The following KCNH7 variants were observed in gnomAD, a reference collection of about 807,000 sequenced individuals.
KCNH7 encodes voltage-gated inwardly rectifying potassium channel KCNH7.
A neutral mutation model predicts 120.8 loss-of-function variants in KCNH7; 49 were observed. The observed-to-expected ratio is 0.41, with a 90% confidence interval of 0.32 to 0.51. The LOEUF is 0.51. Among genes scored for constraint, KCNH7 ranks in the 20% least tolerant of loss-of-function variants. The pLI is 0.38. For missense variants in KCNH7, 1,097 were observed against 1,446.6 expected (o/e 0.76, Z 3.92); for synonymous variants, 547 against 516.1 (o/e 1.06, Z -0.81).
At chr2:162,692,911 T>G (rs1450384273) in intron 2 of KCNH7, among the ~76,000 whole-genome samples, 1 of 152,072 alleles carries the variant, frequency 6.6e-6, no homozygotes, top group East Asian at 1.9e-4. Context: ...AAGTTAATGC[T>G]GGGATTCCAG....
At chr2:162,681,336 A>G (rs974728700) in intron 2 of KCNH7, among the ~76,000 whole-genome samples, 13 of 151,710 alleles carry the variant, frequency 8.6e-5, no homozygotes, top group Non-Finnish European at 1.8e-4. Flanking sequence ...CTTTAGGAAG[A>G]AGGATGAGAG....
chr2:162,478,148 A>C (rs1184969603), intron 6 of KCNH7, among the ~76,000 whole-genome samples: 1 of 152,178 alleles, frequency 6.6e-6, no homozygotes, highest in African/African-American at 2.4e-5. Context: ...ACTAGACACA[A>C]GTAGAGCCCA....
intron 2 of KCNH7, among the ~76,000 whole-genome samples, chr2:162,823,969 T>C (rs1685201415): frequency 6.6e-6 from 1 of 152,302 alleles, no homozygotes; most frequent in East Asian, 1.9e-4. Context: ...TTAATTTTCA[T>C]TTCTGTAGCA....
intron 6 of KCNH7, among the ~76,000 whole-genome samples, chr2:162,496,159 C>T (rs1382431592): frequency 1.3e-5 from 2 of 152,134 alleles, no homozygotes; most frequent in Non-Finnish European, 2.9e-5. Context: ...AAACAGAACT[C>T]CCTGTCAGCA....
intron 2 of KCNH7, among the ~76,000 whole-genome samples, chr2:162,754,093 C>A (rs980128629): frequency 6.6e-6 from 1 of 152,050 alleles, no homozygotes; most frequent in Admixed American, 6.6e-5. Context: ...ATATTTGTTA[C>A]TTCCACTATA....
intron 2 of KCNH7, among the ~76,000 whole-genome samples, chr2:162,822,898 G>A (rs535964004): frequency 1.3e-5 from 2 of 152,328 alleles, no homozygotes; most frequent in East Asian, 1.9e-4. Flanking sequence ...TACAGCTGGA[G>A]GCAGATGTTT....
chr2:162,551,619 A>G (rs1319891723), intron 2 of KCNH7, among the ~76,000 whole-genome samples: 1 of 152,218 alleles, frequency 6.6e-6, no homozygotes, highest in East Asian at 1.9e-4. Context: ...GAGGAAATTC[A>G]GCTAAAAATT....
chr2:162,835,091 T>G (rs990839050), intron 2 of KCNH7, among the ~76,000 whole-genome samples: 8 of 152,078 alleles, frequency 5.3e-5, no homozygotes, highest in Admixed American at 3.9e-4. Flanking sequence ...AATAAATGTT[T>G]TCAAGACAAC....
intron 2 of KCNH7, among the ~76,000 whole-genome samples, chr2:162,674,973 AC>A (rs1000726566): frequency 2.6e-5 from 4 of 151,614 alleles, no homozygotes; most frequent in African/African-American, 9.7e-5. Flanking sequence ...TATAATACAC[AC>A]CTTTTATTCA....
chr2:162,663,513 T>C (rs1297154973), intron 2 of KCNH7, among the ~76,000 whole-genome samples: 3 of 152,172 alleles, frequency 2.0e-5, no homozygotes, highest in Non-Finnish European at 4.4e-5. Context: ...AAATTCTCCT[T>C]TTTCATGTAG....
chr2:162,805,610 G>T (rs1213502503), intron 2 of KCNH7, among the ~76,000 whole-genome samples: 4 of 151,416 alleles, frequency 2.6e-5, no homozygotes, highest in South Asian at 2.1e-4. Flanking sequence ...TATGGTAAAA[G>T]GAGAATGCTT....
chr2:162,745,271 G>C (rs1688276454), intron 2 of KCNH7, among the ~76,000 whole-genome samples: 1 of 152,076 alleles, frequency 6.6e-6, no homozygotes, highest in Non-Finnish European at 1.5e-5. Flanking sequence ...TCTCAATTCT[G>C]TTTTAAGCTT....
chr2:162,744,821 C>T (rs1477873375), intron 2 of KCNH7, among the ~76,000 whole-genome samples: 1 of 152,138 alleles, frequency 6.6e-6, no homozygotes, highest in African/African-American at 2.4e-5. Flanking sequence ...GATCCGCCCG[C>T]CTCGGCCTCC....
chr2:162,691,768 C>A (rs1031824123), intron 2 of KCNH7, among the ~76,000 whole-genome samples: 1 of 152,152 alleles, frequency 6.6e-6, no homozygotes, highest in Admixed American at 6.6e-5. Flanking sequence ...CAAACCAAGA[C>A]TACTTGCACA....
At chr2:162,399,143 A>G (rs984315313) in intron 10 of KCNH7, among the ~76,000 whole-genome samples, 3 of 151,714 alleles carry the variant, frequency 2.0e-5, no homozygotes, top group Non-Finnish European at 4.4e-5. Flanking sequence ...TGGATAATCC[A>G]CAGGAGAAAA....
intron 2 of KCNH7, among the ~76,000 whole-genome samples, chr2:162,694,509 C>A (rs1026008331): frequency 7.2e-6 from 1 of 138,690 alleles, no homozygotes; most frequent in East Asian, 2.0e-4. Context: ...TGTGTGTGAT[C>A]CTCACATGAG....
chr2:162,702,611 T>C (rs918429028), intron 2 of KCNH7, among the ~76,000 whole-genome samples: 1 of 152,210 alleles, frequency 6.6e-6, no homozygotes, highest in African/African-American at 2.4e-5. Flanking sequence ...TTAAGACATG[T>C]GTTCCAATAT....
chr2:162,614,734 A>G (rs1030281975), intron 2 of KCNH7, among the ~76,000 whole-genome samples: 3 of 148,902 alleles, frequency 2.0e-5, no homozygotes, highest in African/African-American at 7.3e-5. Flanking sequence ...ATATATTTGT[A>G]GTGAAGTATA....
At chr2:162,402,914 A>G (rs1434217564) in intron 9 of KCNH7, among the ~76,000 whole-genome samples, 1 of 151,906 alleles carries the variant, frequency 6.6e-6, no homozygotes, top group Non-Finnish European at 1.5e-5. Flanking sequence ...TGAATGTGTT[A>G]TATGAGCTAT....
Sources: gnomAD v4.1 joint callset for allele counts (sites outside exome capture counted in the v4.1 genomes callset) on GRCh38, gnomAD v4.1.1 for gene constraint, MANE v1.5 for transcripts, NCBI Gene and HGNC (gene_info 2026-07-23, HGNC 2026-07-21) for gene names.